The following PLCG2 variants were observed in gnomAD, a reference collection of about 807,000 sequenced individuals.
PLCG2 encodes the protein phospholipase C gamma 2, also known as 1-phosphatidylinositol 4,5-bisphosphate phosphodiesterase gamma-2.
PLCG2 carries 69 observed loss-of-function variants against 175.6 expected under a neutral mutation model. The ratio of observed to expected loss-of-function variants is 0.39; its 90% CI spans 0.32 to 0.48. The LOEUF (loss-of-function observed/expected upper bound fraction) is 0.48. PLCG2 is among the 20% of genes least tolerant of loss of function. The pLI, the probability that PLCG2 is intolerant of heterozygous loss-of-function variation, is 0.91. For missense variants in PLCG2, 1,798 were observed against 1,650.9 expected (o/e 1.09, Z -1.54); for synonymous variants, 827 against 624.0 (o/e 1.33, Z -4.85).
At chr16:81,912,754 G>C in intron 19 of PLCG2, 38 bp downstream of exon 19, 1 of 1,547,022 alleles carries the variant, frequency 6.5e-7, no homozygotes, top group South Asian at 1.3e-5. Context: ...TCTACAGAGG[G>C]GCTTGGCAAG....
intron 4 of PLCG2, 51 bp downstream of exon 4, chr16:81,858,407 G>T (rs1326544014): frequency 2.4e-6 from 3 of 1,270,086 alleles, no homozygotes; most frequent in Admixed American, 1.7e-5. Flanking sequence ...CCTTTATTCT[G>T]CTGCCTTTAG....
rs1909477409 is a variant in PLCG2 at position 81,908,522 on chromosome 16, G to T, written c.1664G>T (p.Gly555Val). Residue 555 changes from glycine (G) to valine (V), a missense_variant, in exon 17 of 33, where the codon GGG (glycine) becomes GTG (valine). Gly to Val is a moderately radical substitution (Grantham distance 109). Coordinates refer to ENST00000564138, the MANE Select transcript of PLCG2 (RefSeq NM_002661.5). Reference sequence around the variant, plus strand: ...CTGCAGGAATACTGCATGGAGACGGGGGGCAAGGATGGCACCTTCCTGGTT... The same window carrying T: ...CTGCAGGAATACTGCATGGAGACGGTGGGCAAGGATGGCACCTTCCTGGTT... ...KLLQEYCMET[G>V]GKDGTFLVRE... The T allele has an allele frequency of 6.2e-7, 1 of 1,613,788 alleles. No individual in the cohort carries two copies. Among genetic ancestry groups the T allele is most frequent in the Admixed American group, 1.7e-5 (1 of 60,008 alleles).
intron 7 of PLCG2, 103 bp downstream of exon 7, chr16:81,871,038 A>G (rs998688148): frequency 5.0e-6 from 3 of 594,580 alleles, no homozygotes; most frequent in African/African-American, 3.8e-5. Flanking sequence ...TTGAATCTCC[A>G]TTTTAGTCAA....
intron 2 of PLCG2, among the ~76,000 whole-genome samples, chr16:81,833,781 C>T (rs187918323): frequency 5.3e-5 from 8 of 152,098 alleles, no homozygotes; most frequent in Non-Finnish European, 1.0e-4. Context: ...TTCCTGGGCT[C>T]GAGCTGTCCT....
At chr16:81,855,645 G>A (rs1281598586) in intron 3 of PLCG2, among the ~76,000 whole-genome samples, 1 of 152,216 alleles carries the variant, frequency 6.6e-6, no homozygotes, top group Non-Finnish European at 1.5e-5. Flanking sequence ...GGAGACAGAT[G>A]TGTGTACTGG....
At chr16:81,750,278 G>C (rs1479884522) in intron 1 of PLCG2, among the ~76,000 whole-genome samples, 2 of 152,008 alleles carry the variant, frequency 1.3e-5, no homozygotes, top group Non-Finnish European at 2.9e-5. Context: ...AAATTAGCTG[G>C]ACATGGTGGC....
At chr16:81,870,687 C>G (rs143372180) in intron 6 of PLCG2, among the ~76,000 whole-genome samples, 165 bp from the exon 7 acceptor site, 1 of 152,258 alleles carries the variant, frequency 6.6e-6, no homozygotes, top group African/African-American at 2.4e-5. Context: ...ATGACTTTTT[C>G]CTTTCAAAAG....
chr16:81,837,232 G>T (rs183150737), intron 2 of PLCG2, among the ~76,000 whole-genome samples: 1 of 152,238 alleles, frequency 6.6e-6, no homozygotes, highest in Admixed American at 6.5e-5. Flanking sequence ...TCAAATGAAA[G>T]GCTGTTGTTG....
intron 7 of PLCG2, among the ~76,000 whole-genome samples, chr16:81,879,503 T>A (rs1400752698): frequency 6.6e-6 from 1 of 152,168 alleles, no homozygotes; most frequent in Non-Finnish European, 1.5e-5. Context: ...CACAAACTGA[T>A]GTGGACTCTC....
chr16:81,792,606 A>C (rs935715897), intron 2 of PLCG2, among the ~76,000 whole-genome samples: 1 of 151,920 alleles, frequency 6.6e-6, no homozygotes, highest in African/African-American at 2.4e-5. Context: ...ATGGCTGGGG[A>C]GGCCTCAGGA....
intron 2 of PLCG2, among the ~76,000 whole-genome samples, chr16:81,761,332 T>C (rs1910037200): frequency 6.6e-6 from 1 of 152,220 alleles, no homozygotes; most frequent in South Asian, 2.1e-4. Flanking sequence ...GCCGCTACAC[T>C]CCAGCCTGGG....
intron 2 of PLCG2, among the ~76,000 whole-genome samples, chr16:81,847,231 G>C (rs1906168257): frequency 6.6e-6 from 1 of 152,226 alleles, no homozygotes; most frequent in Non-Finnish European, 1.5e-5. Flanking sequence ...TGATAGAAGA[G>C]ATGCATAGGG....
intron 2 of PLCG2, among the ~76,000 whole-genome samples, chr16:81,790,377 G>A (rs1028604981): frequency 3.9e-5 from 6 of 152,166 alleles, no homozygotes; most frequent in Non-Finnish European, 1.5e-5. Context: ...GATGGTGTTG[G>A]TAAAGTGACA....
chr16:81,761,923 C>G lies in PLCG2; in HGVS notation c.-48+5957C>G, dbSNP rs542405977. Among the ~76,000 whole-genome samples the G allele has an allele frequency of 1.1e-4, 17 of 149,496 alleles. No individual in the cohort carries two copies. The South Asian group carries it at 2.1e-3, about 19-fold the overall frequency. ...CTCGGCTCACTCTAACCTCTGCCTC[C>G]TAGGTTCAAGTGATTCTCCTGCCTC... On this transcript the variant is annotated intron_variant, in intron 2 of 5. Transcript: ENST00000565054.
chr16:81,827,500 C>G (rs1271612447), intron 2 of PLCG2, among the ~76,000 whole-genome samples: 2 of 151,938 alleles, frequency 1.3e-5, no homozygotes, highest in East Asian at 1.9e-4. Flanking sequence ...GCATTTATTT[C>G]TTTAAAATCC....
chr16:81,860,062 C>T (rs1218223479), intron 5 of PLCG2, among the ~76,000 whole-genome samples: 1 of 151,792 alleles, frequency 6.6e-6, no homozygotes, highest in East Asian at 1.9e-4. Context: ...CCGTAAAGTC[C>T]TGGGCTCAAA....
At chr16:81,880,661 C>G (rs1304358076) in intron 7 of PLCG2, among the ~76,000 whole-genome samples, 1 of 152,166 alleles carries the variant, frequency 6.6e-6, no homozygotes, top group Admixed American at 6.5e-5. Flanking sequence ...AGAAGGAAAC[C>G]TATGAAATGC....
chr16:81,937,983 G>A (rs1166844862), intron 28 of PLCG2, 80 bp downstream of exon 28: 3 of 1,360,618 alleles, frequency 2.2e-6, no homozygotes, highest in Middle Eastern at 2.3e-4. Context: ...TGAGAGCAGG[G>A]AACCCATGTC....
Position 81,905,462 on chromosome 16 carries a change from A to T in PLCG2, c.1422A>T (p.Glu474Asp). 1.2e-6 allele frequency: 2 copies of T among 1,614,156 alleles called. No homozygotes were observed. Among genetic ancestry groups the T allele is most frequent in the Non-Finnish European group, 8.5e-7 (1 of 1,180,008 alleles). Residue 474 changes from glutamate (E) to aspartate (D), a missense_variant, in exon 15 of 33, where the codon GAA becomes GAT. By Grantham distance (45) the Glu-to-Asp change is conservative. Transcript: ENST00000564138. ...VDVNMEDKKDEHKQQGELYMW... is the reference protein window; with the variant it reads ...VDVNMEDKKDDHKQQGELYMW... ...TCAACATGGAGGACAAGAAGGACGAACACAAGCAACAGGGGGAGCTGTACA... is the reference window on the plus strand; with the variant it reads ...TCAACATGGAGGACAAGAAGGACGATCACAAGCAACAGGGGGAGCTGTACA...
Sources: gnomAD v4.1 joint callset for allele counts (sites outside exome capture counted in the v4.1 genomes callset) on GRCh38, gnomAD v4.1.1 for gene constraint, MANE v1.5 for transcripts, NCBI Gene and HGNC (gene_info 2026-07-23, HGNC 2026-07-21) for gene names.